INPP4A: variants seen among roughly 807,000 people sequenced by gnomAD.
INPP4A encodes inositol polyphosphate-4-phosphatase, type I, 107kD.
A neutral mutation model predicts 119.8 loss-of-function variants in INPP4A; 33 were observed. The ratio of observed to expected loss-of-function variants is 0.28; its 90% CI spans 0.21 to 0.37. The LOEUF (loss-of-function observed/expected upper bound fraction) is 0.37, where lower values mean the gene tolerates loss of function less well. Ranked by LOEUF, INPP4A falls within the 10% of genes least tolerant of loss-of-function variation. The pLI is 1.00. For synonymous variants in INPP4A, 496 were observed against 500.7 expected, an observed-to-expected ratio of 0.99 and a Z score of 0.12; for missense variants, 956 against 1,289.9, an observed-to-expected ratio of 0.74 and a Z score of 3.97.
intron 24 of INPP4A, among the ~76,000 whole-genome samples, chr2:98,577,997 G>C (rs904832551): frequency 2.0e-5 from 3 of 152,088 alleles, no homozygotes; most frequent in African/African-American, 7.2e-5. Flanking sequence ...TGTTTCTGCC[G>C]TTTGACCTTC....
At chr2:98,511,279 C>T (rs1013227131) in intron 1 of INPP4A, among the ~76,000 whole-genome samples, 5 of 152,128 alleles carry the variant, frequency 3.3e-5, no homozygotes, top group African/African-American at 9.7e-5. Context: ...AAGATGGTCT[C>T]GATCTCCTGA....
chr2:98,467,236 G>C (rs1674978178), intron 1 of INPP4A, among the ~76,000 whole-genome samples: 1 of 152,124 alleles, frequency 6.6e-6, no homozygotes, highest in Non-Finnish European at 1.5e-5. Context: ...TTGGGGGAGG[G>C]CATTAATGTA....
At position 98,449,105 on chromosome 2, in the gene INPP4A, A is replaced by G. The variant is rs541046930; in HGVS notation, c.-166+4020A>G. On this transcript the variant is annotated intron_variant, in intron 1 of 24. Coordinates refer to ENST00000409851, the MANE Select transcript of INPP4A (RefSeq NM_001134225.2). The stretch of plus-strand genomic sequence containing the variant: ...GATCACTTGAATTAAGGTGGTGTCT[A>G]TCTCATGGAAAAGTTACCATTTTTC... 6.6e-5 allele frequency among the ~76,000 whole-genome samples: 10 copies of G among 152,324 alleles called. No homozygotes were observed. In the East Asian group the frequency reaches 1.2e-3, roughly 18 times the overall value.
At chr2:98,454,680 C>T (rs996496714) in intron 1 of INPP4A, among the ~76,000 whole-genome samples, 20 of 148,124 alleles carry the variant, frequency 1.4e-4, no homozygotes, top group Admixed American at 9.8e-4. Context: ...CTCAGGGTAC[C>T]TTCCAGGGGA....
intron 1 of INPP4A, among the ~76,000 whole-genome samples, chr2:98,473,789 A>G (rs1395678551): frequency 6.6e-6 from 1 of 152,210 alleles, no homozygotes; most frequent in Non-Finnish European, 1.5e-5. Context: ...AGGTGATTGC[A>G]TGAAAACATG....
At chr2:98,477,297 C>CT (rs1486356791) in intron 1 of INPP4A, among the ~76,000 whole-genome samples, 1 of 152,254 alleles carries the variant, frequency 6.6e-6, no homozygotes, top group Non-Finnish European at 1.5e-5. Context: ...TCCCGTCTCC[C>CT]TGAGCTGCCT....
At chr2:98,536,404 T>C (rs1270822302) in intron 7 of INPP4A, among the ~76,000 whole-genome samples, 196 bp downstream of exon 7, 16 of 152,124 alleles carry the variant, frequency 1.1e-4, no homozygotes, top group Admixed American at 9.8e-4. Context: ...TTAGCATCCA[T>C]AGGAGATATG....
chr2:98,493,973 T>G (rs538683324), intron 1 of INPP4A, among the ~76,000 whole-genome samples: 3 of 152,282 alleles, frequency 2.0e-5, no homozygotes, highest in African/African-American at 7.2e-5. Context: ...AACTTGGAAA[T>G]TTGCCGTATA....
chr2:98,533,300 TTGAA>T (rs1486536982), intron 4 of INPP4A, 73 bp from the exon 5 acceptor site: 5 of 859,470 alleles, frequency 5.8e-6, no homozygotes, highest in Non-Finnish European at 9.8e-6. Context: ...TGTGCTTTCT[TTGAA>T]TGTGTTTGGA....
At chr2:98,499,867 A>G (rs1682769011) in intron 1 of INPP4A, among the ~76,000 whole-genome samples, 1 of 152,164 alleles carries the variant, frequency 6.6e-6, no homozygotes, top group South Asian at 2.1e-4. Context: ...GCCTTCAGTG[A>G]TGGTAGGGGA....
chr2:98,555,880 C>T, intron 16 of INPP4A, 72 bp downstream of exon 16: 16 of 1,480,690 alleles, frequency 1.1e-5, no homozygotes, highest in Non-Finnish European at 1.4e-5. Flanking sequence ...GTCTGTGTCT[C>T]TGACTCCATG....
At chr2:98,578,560 A>G (rs1338439271) in intron 24 of INPP4A, among the ~76,000 whole-genome samples, 1 of 152,216 alleles carries the variant, frequency 6.6e-6, no homozygotes. Flanking sequence ...GAGACCAGTG[A>G]CAAAGTGGCC....
chr2:98,542,120 G>C (rs1024354380), intron 10 of INPP4A, among the ~76,000 whole-genome samples: 2 of 152,220 alleles, frequency 1.3e-5, no homozygotes, highest in African/African-American at 2.4e-5. Flanking sequence ...GCCTCTGTGA[G>C]ATGATGACAT....
In INPP4A at chr2:98,490,514, TTA is replaced by T. The variant is rs578090463; in HGVS notation, c.-165-28444_-165-28443del. Among the ~76,000 whole-genome samples the T allele has an allele frequency of 4.1e-3, 630 of 152,182 alleles. 1 individual carries two copies. The highest frequency in any genetic ancestry group is 6.3e-3 in the Non-Finnish European group (428 of 68,010). On this transcript the variant is annotated intron_variant, in intron 1 of 24. Coordinates refer to ENST00000409851, the MANE Select transcript of INPP4A (RefSeq NM_001134225.2). ...AGTCCCTGCACCTGTGGTATCATGG[TTA>T]TATATGGAGATGGAACCCGGGGTTT...
At chr2:98,520,945 C>T (rs1687066875) in intron 4 of INPP4A, 1 of 482,514 alleles carries the variant, frequency 2.1e-6, no homozygotes, top group Non-Finnish European at 3.6e-6. Flanking sequence ...CTCCTGTCTC[C>T]TCAGCATGGG....
intron 1 of INPP4A, among the ~76,000 whole-genome samples, chr2:98,508,544 C>T (rs1684521446): frequency 6.6e-6 from 1 of 152,216 alleles, no homozygotes; most frequent in Non-Finnish European, 1.5e-5. Context: ...GTTCCCGGCC[C>T]TCTTGGAGCA....
chr2:98,487,579 T>G (rs920949199), intron 1 of INPP4A, among the ~76,000 whole-genome samples: 3 of 152,142 alleles, frequency 2.0e-5, no homozygotes, highest in East Asian at 1.9e-4. Context: ...CAATGGTTTT[T>G]TTGTTGTTGT....
At chr2:98,484,849 A>G (rs75856718) in intron 1 of INPP4A, among the ~76,000 whole-genome samples, 2,361 of 152,226 alleles carry the variant, frequency 0.016, 69 homozygotes, top group African/African-American at 0.054. Flanking sequence ...GTATTCACAT[A>G]TGACGGAGCC....
At chr2:98,471,810 A>G (rs1676080460) in intron 1 of INPP4A, among the ~76,000 whole-genome samples, 3 of 152,232 alleles carry the variant, frequency 2.0e-5, no homozygotes, top group African/African-American at 7.2e-5. Flanking sequence ...AGTCACAGAC[A>G]GCACCGTGGA....
Sources: allele counts gnomAD v4.1 joint callset (sites outside exome capture counted in the v4.1 genomes callset), GRCh38; gene constraint gnomAD v4.1.1; transcripts MANE v1.5; gene names NCBI Gene and HGNC (gene_info 2026-07-23, HGNC 2026-07-21).